The following IQGAP2 variants were observed in gnomAD, a reference collection of about 807,000 sequenced individuals.
The protein encoded by IQGAP2 is ras GTPase-activating-like protein IQGAP2.
A neutral mutation model predicts 201.3 loss-of-function variants in IQGAP2; 173 were observed. The ratio of observed to expected loss-of-function variants is 0.86; its 90% CI spans 0.76 to 0.98. IQGAP2 has a LOEUF of 0.98. IQGAP2 is among the 50% of genes least tolerant of loss of function. IQGAP2 has a pLI of 0.00. For synonymous variants in IQGAP2, 675 were observed against 673.9 expected (o/e 1.00, Z -0.03); for missense variants, 1,687 against 1,864.8 (o/e 0.90, Z 1.76).
intron 2 of IQGAP2, among the ~76,000 whole-genome samples, chr5:76,516,759 A>G (rs1169801035): frequency 2.6e-5 from 4 of 152,200 alleles, no homozygotes; most frequent in Admixed American, 6.5e-5. Flanking sequence ...ATCTTTGAAA[A>G]TTTACACATG....
At chr5:76,597,712 C>A in intron 10 of IQGAP2, 110 bp downstream of exon 10, 1 of 1,162,688 alleles carries the variant, frequency 8.6e-7, no homozygotes, top group Non-Finnish European at 1.2e-6. Context: ...CTAATTTGTA[C>A]CAGTCCTGGT....
chr5:76,541,188 C>G (rs2150219898), intron 2 of IQGAP2, among the ~76,000 whole-genome samples: 1 of 151,584 alleles, frequency 6.6e-6, no homozygotes, highest in African/African-American at 2.4e-5. Flanking sequence ...ATTCCCTATT[C>G]CCCCTCCTCC....
intron 2 of IQGAP2, among the ~76,000 whole-genome samples, chr5:76,514,473 C>T (rs143325722): frequency 1.5e-4 from 23 of 152,272 alleles, no homozygotes; most frequent in Non-Finnish European, 2.8e-4. Flanking sequence ...TAGCTGCTTA[C>T]GTTTGGTCTA....
chr5:76,587,949 CAAAA>C (rs768707380), intron 5 of IQGAP2, among the ~76,000 whole-genome samples: 4 of 90,434 alleles, frequency 4.4e-5, no homozygotes, highest in African/African-American at 1.2e-4. Context: ...CTGTCTCAAC[CAAAA>C]AAAAAAAAAA....
intron 2 of IQGAP2, among the ~76,000 whole-genome samples, chr5:76,463,204 A>AT (rs1177537901): frequency 6.6e-6 from 1 of 151,808 alleles, no homozygotes; most frequent in Non-Finnish European, 1.5e-5. Flanking sequence ...GTTCAAGGAG[A>AT]TAGTAGAAAA....
At chr5:76,444,425 A>G (rs1325063548) in intron 1 of IQGAP2, among the ~76,000 whole-genome samples, 1 of 152,128 alleles carries the variant, frequency 6.6e-6, no homozygotes, top group Non-Finnish European at 1.5e-5. Context: ...CAGCCTCCCA[A>G]GTAGCTGGGA....
At chr5:76,623,435 G>A (rs1749915886) in intron 13 of IQGAP2, 2 of 591,958 alleles carry the variant, frequency 3.4e-6, no homozygotes, top group Non-Finnish European at 5.9e-6. Context: ...CAGTAAGCAT[G>A]ACTCAGGCCA....
At chr5:76,450,714 C>T (rs1318218285) in intron 1 of IQGAP2, among the ~76,000 whole-genome samples, 1 of 152,144 alleles carries the variant, frequency 6.6e-6, no homozygotes, top group Non-Finnish European at 1.5e-5. Flanking sequence ...GTCTGGTCTC[C>T]TTACAAACCC....
intron 2 of IQGAP2, among the ~76,000 whole-genome samples, chr5:76,512,003 T>G (rs35854488): frequency 0.28 from 42,326 of 151,898 alleles, 6,403 homozygotes; most frequent in Middle Eastern, 0.45. Flanking sequence ...ATACAGACAA[T>G]TGGCATATAG....
At chr5:76,626,270 CT>C (rs34251090) in intron 13 of IQGAP2, among the ~76,000 whole-genome samples, 20,054 of 80,586 alleles carry the variant, frequency 0.25, 853 homozygotes, top group Admixed American at 0.35. Context: ...TTCTTCTTTT[CT>C]TTTTTTTTTT....
chr5:76,639,558 C>A (rs1415725180), intron 16 of IQGAP2, among the ~76,000 whole-genome samples: 2 of 152,062 alleles, frequency 1.3e-5, no homozygotes, highest in Non-Finnish European at 2.9e-5. Context: ...AATGGATCCA[C>A]GCGTCATAAT....
intron 30 of IQGAP2, among the ~76,000 whole-genome samples, chr5:76,685,864 C>G (rs2150520881): frequency 6.6e-6 from 1 of 152,328 alleles, no homozygotes; most frequent in South Asian, 2.1e-4. Flanking sequence ...GCAACCATCA[C>G]TGTTGTCTAG....
chr5:76,695,458 T>C lies in IQGAP2; in HGVS notation c.3998T>C (p.Val1333Ala), dbSNP rs141880135. 2.5e-6 allele frequency: 4 copies of C among 1,613,378 alleles called. No homozygotes were observed. The highest frequency in any genetic ancestry group is 3.4e-6 in the Non-Finnish European group (4 of 1,179,374). The change falls in exon 32 of 36, where the codon GTA becomes GCA. Residue 1333 changes from valine (V) to alanine (A), a missense_variant. By Grantham distance (64) the Val-to-Ala change is moderately conservative. Coordinates refer to ENST00000274364, the MANE Select transcript of IQGAP2 (RefSeq NM_006633.5). ...LETPATAQQEVDHATDMVSRA... is the reference protein window; with the variant it reads ...LETPATAQQEADHATDMVSRA... ...ATCTTGATATTCTCTTTTCAGGAGG[T>C]AGACCATGCCACGGACATGGTGAGC...
Position 76,616,591 on chromosome 5 carries a change from C to G in IQGAP2, c.1521+5408C>G, listed in dbSNP as rs536782543. 152 of 152,926 alleles carry G rather than the reference C, an allele frequency of 9.9e-4. 2 individuals are homozygous for G. The highest frequency in any genetic ancestry group is 2.4e-3 in the Admixed American group (36 of 15,288). The allele number at this position is 152,926 out of a possible 1,614,324, so 9.5% of individuals were successfully genotyped here. On this transcript the variant is annotated intron_variant, in intron 13 of 35. Transcript: ENST00000274364. ...GGTGGCCTGGACGTAGTGGCTCATGCCTGTAGTCCCAGCACTTTGGGAGGC... is the reference window on the plus strand; with the variant it reads ...GGTGGCCTGGACGTAGTGGCTCATGGCTGTAGTCCCAGCACTTTGGGAGGC...
intron 11 of IQGAP2, among the ~76,000 whole-genome samples, chr5:76,603,238 G>A (rs767857333): frequency 2.6e-5 from 4 of 152,156 alleles, no homozygotes; most frequent in Non-Finnish European, 4.4e-5. Flanking sequence ...GCTAAACACA[G>A]TATTGGAGCT....
chr5:76,663,710 A>ACTTG (rs1554082492), intron 21 of IQGAP2, among the ~76,000 whole-genome samples: 2 of 151,714 alleles, frequency 1.3e-5, no homozygotes, highest in African/African-American at 4.8e-5. Flanking sequence ...TATTTTTAAA[A>ACTTG]TTTGTAGAGA....
chr5:76,433,694 G>A (rs1415468413), intron 1 of IQGAP2, among the ~76,000 whole-genome samples: 1 of 152,018 alleles, frequency 6.6e-6, no homozygotes, highest in East Asian at 1.9e-4. Context: ...TTTTTTTCCT[G>A]CCTGAACCCT....
intron 1 of IQGAP2, among the ~76,000 whole-genome samples, chr5:76,437,263 G>T (rs1162453105): frequency 6.6e-6 from 1 of 151,794 alleles, no homozygotes; most frequent in Non-Finnish European, 1.5e-5. Context: ...ACATTGCCTA[G>T]GTTGGTCTCA....
At chr5:76,623,267 A>C (rs550954885) in intron 13 of IQGAP2, 12 of 1,608,842 alleles carry the variant, frequency 7.5e-6, no homozygotes, top group Admixed American at 3.3e-5. Context: ...AACGTTATGA[A>C]ATCTGTAAAA....
Sources: gnomAD v4.1 joint callset for allele counts (sites outside exome capture counted in the v4.1 genomes callset) on GRCh38, gnomAD v4.1.1 for gene constraint, MANE v1.5 for transcripts, NCBI Gene and HGNC (gene_info 2026-07-23, HGNC 2026-07-21) for gene names.